FRMPD4: variants seen among roughly 807,000 people sequenced by gnomAD.
The protein encoded by FRMPD4 is FERM and PDZ domain containing 4, also known as FERM and PDZ domain-containing protein 4.
FRMPD4 carries 22 observed loss-of-function variants against 94.1 expected under a neutral mutation model. That is an observed-to-expected ratio of 0.23 (90% CI 0.17 to 0.33). FRMPD4 has a LOEUF of 0.33. Ranked by LOEUF, FRMPD4 falls within the 10% of genes least tolerant of loss-of-function variation. The pLI is 1.00. For synonymous variants in FRMPD4, 631 were observed against 548.6 expected, an observed-to-expected ratio of 1.15 and a Z score of -2.10; for missense variants, 1,111 against 1,339.9, an observed-to-expected ratio of 0.83 and a Z score of 2.67.
intron 1 of FRMPD4, among the ~76,000 whole-genome samples, chrX:12,198,535 G>A (rs372791076): frequency 8.9e-6 from 1 of 111,949 alleles, no homozygotes; most frequent in Non-Finnish European, 1.9e-5. Context: ...TACCTGTGTC[G>A]CTGGGGCAGC....
At chrX:12,564,120 T>C (rs1236100699) in intron 2 of FRMPD4, among the ~76,000 whole-genome samples, 1 of 111,356 alleles carries the variant, frequency 9.0e-6, no homozygotes, top group Non-Finnish European at 1.9e-5. Flanking sequence ...AGAAGCAAGC[T>C]CTCCCATGTC....
chrX:11,884,166 G>A (rs2053831317), intron 3 of FRMPD4, among the ~76,000 whole-genome samples: 1 of 111,526 alleles, frequency 9.0e-6, no homozygotes, highest in Non-Finnish European at 1.9e-5. Context: ...AGGACCTTTT[G>A]TCATTCTAAG....
At chrX:12,273,457 A>T (rs762946854) in intron 1 of FRMPD4, among the ~76,000 whole-genome samples, 26 of 112,597 alleles carry the variant, frequency 2.3e-4, no homozygotes, top group Non-Finnish European at 3.0e-4. Context: ...TTGCAAGCAT[A>T]AAAGTTGACA....
chrX:12,475,247 C>T (rs139833329), intron 1 of FRMPD4, among the ~76,000 whole-genome samples: 49,737 of 110,688 alleles, frequency 0.45, 8,577 homozygotes, highest in East Asian at 0.6. Flanking sequence ...AAAAGGCCTT[C>T]GACAAAATTC....
chrX:12,474,675 A>G (rs895811487), intron 1 of FRMPD4, among the ~76,000 whole-genome samples: 9 of 112,082 alleles, frequency 8.0e-5, no homozygotes, highest in Non-Finnish European at 1.9e-5. Flanking sequence ...AGAGAATACT[A>G]TAAACACCTC....
At chrX:12,343,338 G>A (rs4634836) in intron 1 of FRMPD4, among the ~76,000 whole-genome samples, 1,807 of 111,858 alleles carry the variant, frequency 0.016, 44 homozygotes, top group African/African-American at 0.054. Flanking sequence ...AGCAGAGCCC[G>A]GGTGAATGAA....
At chrX:12,243,736 A>G (rs2147797314) in intron 1 of FRMPD4, among the ~76,000 whole-genome samples, 1 of 100,410 alleles carries the variant, frequency 1.0e-5, no homozygotes, top group African/African-American at 3.7e-5. Context: ...ACTGTGCAGC[A>G]TCCTGGGCCC....
intron 2 of FRMPD4, among the ~76,000 whole-genome samples, chrX:12,522,837 G>A (rs890984414): frequency 1.8e-5 from 2 of 111,000 alleles, no homozygotes; most frequent in Non-Finnish European, 3.8e-5. Flanking sequence ...TCCTGACCTC[G>A]GGTGATCTGC....
intron 1 of FRMPD4, among the ~76,000 whole-genome samples, chrX:12,420,597 A>C (rs2056870686): frequency 9.0e-6 from 1 of 111,363 alleles, no homozygotes; most frequent in Non-Finnish European, 1.9e-5. Flanking sequence ...TTCATCCTTC[A>C]TCCTGGGCCA....
At chrX:12,554,156 T>TA (rs1437580703) in intron 2 of FRMPD4, among the ~76,000 whole-genome samples, 3 of 112,224 alleles carry the variant, frequency 2.7e-5, no homozygotes, top group Non-Finnish European at 5.6e-5. Context: ...TTTGTCTCAA[T>TA]AAAAAATACA....
At chrX:12,681,387 A>T (rs1231800806) in intron 5 of FRMPD4, among the ~76,000 whole-genome samples, 1 of 112,813 alleles carries the variant, frequency 8.9e-6, no homozygotes, top group Non-Finnish European at 1.9e-5. Context: ...AATTACAAAG[A>T]TACTGATGAG....
At chrX:12,197,951 T>C (rs1405327533) in intron 1 of FRMPD4, among the ~76,000 whole-genome samples, 1 of 112,210 alleles carries the variant, frequency 8.9e-6, no homozygotes, top group Non-Finnish European at 1.9e-5. Flanking sequence ...CTCAGTCCCA[T>C]TTATAAACTG....
rs141838859 is a variant in FRMPD4, at chrX:12,419,074, C to G, written c.42-79606C>G. 3.5e-3 allele frequency among the ~76,000 whole-genome samples: 388 copies of G among 111,742 alleles called. 1 individual carries two copies. Among genetic ancestry groups the G allele is most frequent in the African/African-American group, 0.012 (373 of 30,720 alleles). ...TATTTATGCTCTAATATTCCCTATG[C>G]TTTTAAAATTGCTGACCCCTCCCTC... On this transcript the variant is annotated intron_variant, in intron 1 of 16. Transcript: ENST00000675598.
At chrX:11,971,530 T>G (rs1357665044) in intron 3 of FRMPD4, among the ~76,000 whole-genome samples, 1 of 113,044 alleles carries the variant, frequency 8.8e-6, no homozygotes, top group Non-Finnish European at 1.9e-5. Flanking sequence ...ATTCAATAAA[T>G]GCTTTCATTT....
chrX:12,061,068 A>G (rs2054883042), intron 3 of FRMPD4, among the ~76,000 whole-genome samples: 1 of 112,274 alleles, frequency 8.9e-6, no homozygotes, highest in African/African-American at 3.2e-5. Context: ...CAAGTTTATT[A>G]ATGTGTTTAT....
intron 3 of FRMPD4, among the ~76,000 whole-genome samples, chrX:12,012,682 T>A: frequency 8.9e-6 from 1 of 112,410 alleles, no homozygotes; most frequent in Non-Finnish European, 1.9e-5. Flanking sequence ...AAAGAATCAA[T>A]GCAAAATTTG....
chrX:11,981,667 T>G (rs1288440706), intron 3 of FRMPD4, among the ~76,000 whole-genome samples: 1 of 111,941 alleles, frequency 8.9e-6, no homozygotes, highest in Non-Finnish European at 1.9e-5. Flanking sequence ...ATATTTATTT[T>G]TATTAATGAT....
At chrX:12,554,197 G>A (rs1187905528) in intron 2 of FRMPD4, among the ~76,000 whole-genome samples, 2 of 112,091 alleles carry the variant, frequency 1.8e-5, no homozygotes, top group Non-Finnish European at 3.8e-5. Flanking sequence ...GTATAGTATA[G>A]TGTTTTATAT....
intron 1 of FRMPD4, among the ~76,000 whole-genome samples, chrX:12,310,349 T>C (rs186955263): frequency 0.033 from 3,684 of 110,735 alleles, 157 homozygotes; most frequent in African/African-American, 0.11. Flanking sequence ...TGGTGGAATG[T>C]CATCAGTTAA....
Sources: gnomAD v4.1 joint callset for allele counts (sites outside exome capture counted in the v4.1 genomes callset) on GRCh38, gnomAD v4.1.1 for gene constraint, MANE v1.5 for transcripts, NCBI Gene and HGNC (gene_info 2026-07-23, HGNC 2026-07-21) for gene names.